Variants in DAP3 observed in about 807,000 individuals in gnomAD.
The protein encoded by DAP3 is death associated protein 3.
A neutral mutation model predicts 51.9 loss-of-function variants in DAP3; 28 were observed. The ratio of observed to expected loss-of-function variants is 0.54; its 90% CI spans 0.40 to 0.74. The LOEUF is 0.74. Ranked by LOEUF, DAP3 falls within the 30% of genes least tolerant of loss-of-function variation. The pLI is 0.00. For synonymous variants in DAP3, 170 were observed against 170.3 expected (o/e 1.00, Z 0.01); for missense variants, 458 against 483.5 (o/e 0.95, Z 0.49).
intron 1 of DAP3, among the ~76,000 whole-genome samples, chr1:155,702,859 A>T (rs1410453230): frequency 6.6e-6 from 1 of 152,026 alleles, no homozygotes; most frequent in African/African-American, 2.4e-5. Flanking sequence ...AATCCCAGCT[A>T]CTCAGGAGGC....
intron 4 of DAP3, among the ~76,000 whole-genome samples, chr1:155,724,026 G>A (rs1316424985): frequency 5.5e-5 from 8 of 145,948 alleles, no homozygotes; most frequent in Admixed American, 5.4e-4. Context: ...GCGACAGAGC[G>A]AGACTCTGTC....
At chr1:155,722,231 C>A (rs926075272) in intron 4 of DAP3, among the ~76,000 whole-genome samples, 4 of 151,950 alleles carry the variant, frequency 2.6e-5, no homozygotes, top group Admixed American at 2.0e-4. Flanking sequence ...CATAGGGAGA[C>A]CTGTCTCTAC....
intron 1 of DAP3, among the ~76,000 whole-genome samples, chr1:155,705,309 A>G (rs1195770045): frequency 6.6e-6 from 1 of 151,122 alleles, no homozygotes; most frequent in Non-Finnish European, 1.5e-5. Context: ...AATGTGATAA[A>G]GTTGAAGCAG....
At chr1:155,736,904 G>A (rs770966525) in intron 11 of DAP3, 42 bp from the exon 12 acceptor site, 83 of 1,490,604 alleles carry the variant, frequency 5.6e-5, no homozygotes, top group Non-Finnish European at 7.5e-5. Context: ...CTGGTGCTTT[G>A]TTCCTTAACT....
In DAP3 at chr1:155,738,170, AG is replaced by A; in HGVS notation, c.1128del (p.Glu379SerfsTer5). ...TCTCCATTTTAGCTCCTACAGAAGAAGGGAAAAAAGAGCTGCTGTTCCTAAG... is the reference window on the plus strand; with the variant it reads ...TCTCCATTTTAGCTCCTACAGAAGAAGGAAAAAAGAGCTGCTGTTCCTAAG... ...LQHEKAPTEEGKKELLFLSNA... is the reference protein window; with the variant it reads ...LQHEKAPTEEXKKELLFLSNA... On this transcript the variant is annotated frameshift_variant, in exon 13 of 13. Coordinates refer to ENST00000368336, the MANE Select transcript of DAP3 (RefSeq NM_004632.4). LOFTEE classifies it high-confidence loss of function. 1 of 1,614,160 alleles carries A rather than the reference AG, an allele frequency of 6.2e-7. No homozygotes were observed. Among genetic ancestry groups the A allele is most frequent in the Non-Finnish European group, 8.5e-7 (1 of 1,180,012 alleles).
chr1:155,723,086 A>ATT (rs1658182072), intron 4 of DAP3, among the ~76,000 whole-genome samples: 3 of 151,740 alleles, frequency 2.0e-5, no homozygotes, highest in Non-Finnish European at 4.4e-5. Flanking sequence ...TTTTTTTTAA[A>ATT]TACTGCTCCT....
chr1:155,729,006 T>C lies in DAP3; in HGVS notation c.604-36T>C, dbSNP rs768606269. ...GGTTTCACCCTTAGGCCAAGTAGCCTTTTTTTTGGTTTTTATTTTCTTTGC... is the reference window on the plus strand; with the variant it reads ...GGTTTCACCCTTAGGCCAAGTAGCCCTTTTTTTGGTTTTTATTTTCTTTGC... On this transcript the variant is annotated intron_variant, in intron 7 of 12. Coordinates refer to ENST00000368336, the MANE Select transcript of DAP3 (RefSeq NM_004632.4). 3.2e-6 allele frequency: 5 copies of C among 1,583,542 alleles called. No homozygotes were observed. In the South Asian group the frequency reaches 5.7e-5, roughly 18 times the overall value.
chr1:155,713,514 G>C (rs1331780370), intron 2 of DAP3, among the ~76,000 whole-genome samples: 1 of 152,162 alleles, frequency 6.6e-6, no homozygotes, highest in Non-Finnish European at 1.5e-5. Context: ...CTCATTGCAT[G>C]TTTTCAGTTT....
At chr1:155,701,353 G>A (rs1428662362) in intron 1 of DAP3, among the ~76,000 whole-genome samples, 2 of 104,512 alleles carry the variant, frequency 1.9e-5, no homozygotes, top group Non-Finnish European at 3.7e-5. Flanking sequence ...CCTCTGCCTT[G>A]GGATCCTGTT....
At chr1:155,708,743 C>G (rs1026066824) in intron 1 of DAP3, among the ~76,000 whole-genome samples, 8 of 144,104 alleles carry the variant, frequency 5.6e-5, no homozygotes, top group Non-Finnish European at 9.0e-5. Context: ...CTTGCTCTGT[C>G]GCCCAGGCTG....
At chr1:155,707,940 A>G (rs1333566527) in intron 1 of DAP3, among the ~76,000 whole-genome samples, 1 of 152,106 alleles carries the variant, frequency 6.6e-6, no homozygotes, top group Non-Finnish European at 1.5e-5. Context: ...GTCTCTATCT[A>G]CTGTTCTACT....
chr1:155,717,378 G>A (rs1194224736), intron 3 of DAP3, among the ~76,000 whole-genome samples: 3 of 152,108 alleles, frequency 2.0e-5, no homozygotes, highest in Non-Finnish European at 2.9e-5. Context: ...CTAGTTCCAC[G>A]GATTTTGCTG....
At chr1:155,689,249 G>T in intron 1 of DAP3, 75 bp downstream of exon 1, 2 of 677,790 alleles carry the variant, frequency 3.0e-6, no homozygotes, top group Non-Finnish European at 5.4e-6. Flanking sequence ...AGGAGGTAGG[G>T]AGTGAGGCCG....
chr1:155,733,433 C>G (rs1265171353), intron 11 of DAP3, among the ~76,000 whole-genome samples: 2 of 152,222 alleles, frequency 1.3e-5, no homozygotes, highest in East Asian at 3.8e-4. Flanking sequence ...TTATACCTGG[C>G]ATGGAGCCTC....
chr1:155,732,210 C>T lies in DAP3; in HGVS notation c.993+177C>T, dbSNP rs72999093. ...TGATCATCATTGCTTTATCCGTCTC[C>T]GTCTTTCTCCAGAGTTTCTTTTCTT... On this transcript the variant is annotated intron_variant, in intron 11 of 12. Transcript: ENST00000368336. The T allele has an allele frequency of 7.9e-3, 3,630 of 459,142 alleles. 126 individuals are homozygous for T. The highest frequency in any genetic ancestry group is 0.07 in the African/African-American group (3,342 of 47,860). The allele number at this position is 459,142 out of a possible 1,614,324, so 28.4% of individuals were successfully genotyped here. A position where few individuals can be genotyped will look rare whatever the true frequency, so the allele number is the denominator to read the frequency against.
At chr1:155,702,151 T>TAAAAAAAAAA (rs71080722) in intron 1 of DAP3, among the ~76,000 whole-genome samples, 2 of 101,698 alleles carry the variant, frequency 2.0e-5, no homozygotes, top group African/African-American at 4.1e-5. Context: ...ATTCTGCCTA[T>TAAAAAAAAAA]AAAAAAAAAA....
At chr1:155,729,403 T>A (rs1243798845) in intron 9 of DAP3, 37 bp downstream of exon 9, 2 of 1,607,822 alleles carry the variant, frequency 1.2e-6, no homozygotes, top group East Asian at 4.5e-5. Context: ...GTTTCTCTGA[T>A]TTCTGATTCC....
At chr1:155,715,662 T>C (rs1353062309) in intron 2 of DAP3, among the ~76,000 whole-genome samples, 1 of 152,234 alleles carries the variant, frequency 6.6e-6, no homozygotes, top group Non-Finnish European at 1.5e-5. Flanking sequence ...TTCTCCTGGC[T>C]GCATTCCCTA....
chr1:155,689,809 G>T (rs1653446191), intron 1 of DAP3, among the ~76,000 whole-genome samples: 1 of 152,190 alleles, frequency 6.6e-6, no homozygotes, highest in African/African-American at 2.4e-5. Context: ...CTACTCGGGA[G>T]GCTGAGGCAG....
Sources: gnomAD v4.1 joint callset for allele counts (sites outside exome capture counted in the v4.1 genomes callset) on GRCh38, gnomAD v4.1.1 for gene constraint, MANE v1.5 for transcripts, NCBI Gene and HGNC (gene_info 2026-07-23, HGNC 2026-07-21) for gene names.